The following SLC22A8 variants were observed in gnomAD, a reference collection of about 807,000 sequenced individuals.
SLC22A8 encodes the protein solute carrier family 22 member 8, also known as organic anion transporter 3.
A neutral mutation model predicts 48.4 loss-of-function variants in SLC22A8; 40 were observed. That is an observed-to-expected ratio of 0.83 (90% CI 0.64 to 1.08). SLC22A8 has a LOEUF of 1.08. SLC22A8 is among the 50% of genes least tolerant of loss of function. The probability of loss-of-function intolerance (pLI) is 0.00; values close to 1 mark genes in which losing one functional copy is unlikely to be tolerated. For synonymous variants in SLC22A8, 268 were observed against 286.3 expected, an observed-to-expected ratio of 0.94 and a Z score of 0.65; for missense variants, 606 against 699.0, an observed-to-expected ratio of 0.87 and a Z score of 1.50.
rs2086362844 is a variant in SLC22A8 at position 62,993,173 on chromosome 11, A to G, written c.*64T>C. 20 of 1,304,474 alleles carry G rather than the reference A, an allele frequency of 1.5e-5. No homozygotes were observed. The highest frequency in any genetic ancestry group is 2.0e-5 in the Non-Finnish European group (19 of 927,092). The allele number at this position is 1,304,474 out of a possible 1,614,324, so 80.8% of individuals were successfully genotyped here. A position where few individuals can be genotyped will look rare whatever the true frequency, so the allele number is the denominator to read the frequency against. On this transcript the variant is annotated 3_prime_UTR_variant, in exon 11 of 11. Transcript: ENST00000336232. ...GGATGGACCTATATGGGGCCTCCCT[A>G]TACTCCTAAGGTGCCTGGCTAGGAT...
chr11:62,995,695 G>A lies in SLC22A8; in HGVS notation c.1001+9C>T, dbSNP rs2086408150. The A allele has an allele frequency of 1.9e-6, 3 of 1,603,976 alleles. No individual in the cohort carries two copies. The highest frequency in any genetic ancestry group is 2.6e-6 in the Non-Finnish European group (3 of 1,170,774). On this transcript the variant is annotated intron_variant, in intron 7 of 10. Transcript: ENST00000336232. ...CTTGGCAGGGTGTGGGCAGGGAGAG[G>A]GGGGTTACCAGGCCAGGGAAAGACA...
Position 62,995,923 on chromosome 11 carries a change from A to T in SLC22A8, c.886-104T>A, listed in dbSNP as rs538533611. 93 of 1,551,872 alleles carry T rather than the reference A, an allele frequency of 6.0e-5. No individual in the cohort carries two copies. In the South Asian group the frequency reaches 8.5e-4, roughly 14 times the overall value. ...TGCCTCTAGAGGAGCTCAGGGAATC[A>T]GATGTGGTATAGGCTGTGAGCCAGG... On this transcript the variant is annotated intron_variant, in intron 6 of 10. Transcript: ENST00000336232.
rs887658982 is a variant in SLC22A8 at position 62,993,120 on chromosome 11, C to G, written c.*117G>C. 4 of 729,856 alleles carry G rather than the reference C, an allele frequency of 5.5e-6. No individual in the cohort carries two copies. In the Admixed American group the frequency reaches 1.1e-4, roughly 21 times the overall value. 45.2% of individuals were successfully genotyped at this position (729,856 alleles called of 1,614,324 possible). A position where few individuals can be genotyped will look rare whatever the true frequency, so the allele number is the denominator to read the frequency against. On this transcript the variant is annotated 3_prime_UTR_variant, in exon 11 of 11. Transcript: ENST00000336232. Reference sequence around the variant, plus strand: ...GTGGTGGTGATGGAGACACCTTCACCAAGCTCTCAGAAGGCTTCATCCTAG... The same window carrying G: ...GTGGTGGTGATGGAGACACCTTCACGAAGCTCTCAGAAGGCTTCATCCTAG...
chr11:62,999,843 C>G lies in SLC22A8; in HGVS notation c.438-1G>C. 6.5e-7 allele frequency: 1 copy of G among 1,528,996 alleles called. No individual in the cohort carries two copies. The highest frequency in any genetic ancestry group is 1.3e-5 in the South Asian group (1 of 78,996). The allele number at this position is 1,528,996 out of a possible 1,614,324, so 94.7% of individuals were successfully genotyped here. A position where few individuals can be genotyped will look rare whatever the true frequency, so the allele number is the denominator to read the frequency against. ...GGTCAGGATGGGCCTGCGGCCAAAC[C>G]TGTAGCTCGAAGGAGAGGAGGGGCC... On this transcript the variant is annotated splice_acceptor_variant, in intron 3 of 10. Transcript: ENST00000336232. LOFTEE classifies it high-confidence loss of function.
chr11:62,995,765 C>T lies in SLC22A8; in HGVS notation c.940G>A (p.Ala314Thr), dbSNP rs764818151. 3.4e-5 allele frequency: 55 copies of T among 1,613,958 alleles called. No homozygotes were observed. The highest frequency in any genetic ancestry group is 1.6e-4 in the East Asian group (7 of 44,888). ...EISLAKAKYT[A>T]SDLFRIPMLR... ...ATGGGTATCCGGAACAGGTCACTTG[C>T]GGTGTACTTGGCCTTGGCCAAGGAG... Residue 314 changes from alanine (A) to threonine (T), a missense_variant, in exon 7 of 11, where the codon GCA (alanine) becomes ACA (threonine). Coordinates refer to ENST00000336232, the MANE Select transcript of SLC22A8 (RefSeq NM_004254.4).
At chr11:63,010,003 T>C (rs2086599806) in intron 2 of SLC22A8, among the ~76,000 whole-genome samples, 1 of 152,176 alleles carries the variant, frequency 6.6e-6, no homozygotes, top group Non-Finnish European at 1.5e-5. Context: ...GCTCCCCTTT[T>C]TACCAGGGGA....
chr11:63,009,417 C>T (rs1391071458), intron 2 of SLC22A8, among the ~76,000 whole-genome samples: 1 of 152,074 alleles, frequency 6.6e-6, no homozygotes, highest in East Asian at 1.9e-4. Flanking sequence ...GGAGACAAGG[C>T]AGGGAGGCTC....
chr11:62,999,825 A>C lies in SLC22A8; in HGVS notation c.455T>G (p.Ile152Ser). Residue 152 changes from isoleucine (I) to serine (S), a missense_variant, in exon 4 of 11, where the codon ATC becomes AGC. Coordinates refer to ENST00000336232, the MANE Select transcript of SLC22A8 (RefSeq NM_004254.4). ...DLSDRFGRRPILTCSYLLLAA... is the reference protein window; with the variant it reads ...DLSDRFGRRPSLTCSYLLLAA... ...CAGCAGCAGGTAGCTGCAGGTCAGG[A>C]TGGGCCTGCGGCCAAACCTGTAGCT... 1 of 1,579,322 alleles carries C rather than the reference A, an allele frequency of 6.3e-7. No homozygotes were observed.
At chr11:63,010,220 C>T (rs778025895) in intron 2 of SLC22A8, among the ~76,000 whole-genome samples, 2 of 152,074 alleles carry the variant, frequency 1.3e-5, no homozygotes. Context: ...ATGAGGAATC[C>T]GAGACTTCTA....
In SLC22A8 at chr11:63,000,770, G is replaced by T. The variant is rs11568479; in HGVS notation, c.387C>A (p.Phe129Leu). ...GCCCTCCAATCAGTATACCTGCCAT[G>T]AAGATAGACTGGGCCATCTCCTTCA... is the stretch of plus-strand genomic sequence containing the variant. ...NKLKEMAQSI[F>L]MAGILIGGLV... Residue 129 changes from phenylalanine (F) to leucine (L), a missense_variant, in exon 3 of 11, where the codon TTC (phenylalanine) becomes TTA (leucine). Phe to Leu is a conservative substitution (Grantham distance 22). Coordinates refer to ENST00000336232, the MANE Select transcript of SLC22A8 (RefSeq NM_004254.4). 1.9e-6 allele frequency: 3 copies of T among 1,613,968 alleles called. No individual in the cohort carries two copies. The Admixed American group carries it at 5.0e-5, about 27-fold the overall frequency.
intron 6 of SLC22A8, 86 bp downstream of exon 6, chr11:62,995,943 G>A: frequency 6.3e-7 from 1 of 1,589,194 alleles, no homozygotes; most frequent in South Asian, 1.1e-5. Flanking sequence ...TAGGCTGTGA[G>A]CCAGGGGAAC....
At chr11:62,999,379 C>T in intron 4 of SLC22A8, 3 of 490,744 alleles carry the variant, frequency 6.1e-6, no homozygotes, top group Non-Finnish European at 1.1e-5. Flanking sequence ...AGTGACTTTC[C>T]TTGTTCTGCC....
rs1186012350 is a variant in SLC22A8, at chr11:63,000,763, C to T, written c.394G>A (p.Gly132Ser). 4 of 1,614,002 alleles carry T rather than the reference C, an allele frequency of 2.5e-6. No individual in the cohort carries two copies. Among genetic ancestry groups the T allele is most frequent in the African/African-American group, 2.7e-5 (2 of 74,930 alleles). The change falls in exon 3 of 11, where the codon GGT becomes AGT. Residue 132 changes from glycine (G) to serine (S), a missense_variant. By Grantham distance (56) the Gly-to-Ser change is moderately conservative. Transcript: ENST00000336232. ...AGCACGAGCCCTCCAATCAGTATAC[C>T]TGCCATGAAGATAGACTGGGCCATC... is the stretch of plus-strand genomic sequence containing the variant. The part of the protein sequence containing the change: ...KEMAQSIFMA[G>S]ILIGGLVLGD...
At chr11:63,004,145 C>T (rs1304452209) in intron 2 of SLC22A8, among the ~76,000 whole-genome samples, 2 of 152,188 alleles carry the variant, frequency 1.3e-5, no homozygotes, top group Non-Finnish European at 2.9e-5. Context: ...CCATCTGAGA[C>T]CAGATCTGCT....
At chr11:63,001,177 C>A (rs1322532126) in intron 2 of SLC22A8, among the ~76,000 whole-genome samples, 1 of 152,158 alleles carries the variant, frequency 6.6e-6, no homozygotes, top group Admixed American at 6.5e-5. Context: ...CCTCTGCGTA[C>A]CCCCTTGACC....
chr11:63,014,237 G>T (rs1335978681), intron 2 of SLC22A8, among the ~76,000 whole-genome samples: 1 of 152,176 alleles, frequency 6.6e-6, no homozygotes, highest in African/African-American at 2.4e-5. Context: ...ACCCACCCCA[G>T]AGGTCGGTCA....
intron 1 of SLC22A8, 46 bp from the exon 2 acceptor site, chr11:63,015,029 A>T: frequency 3.0e-6 from 4 of 1,342,160 alleles, no homozygotes; most frequent in Non-Finnish European, 4.1e-6. Flanking sequence ...TGTGCCTGGT[A>T]GTGCGTGGGT....
chr11:62,994,802 G>A, intron 7 of SLC22A8, 46 bp from the exon 8 acceptor site: 1 of 1,459,640 alleles, frequency 6.9e-7, no homozygotes, highest in Non-Finnish European at 9.6e-7. Flanking sequence ...CCAGGCAGAG[G>A]CCACTCCCCA....
Position 63,014,941 on chromosome 11 carries a change from G to A in SLC22A8, c.18C>T (p.Ile6=), listed in dbSNP as rs2086658364. 6.4e-7 allele frequency: 1 copy of A among 1,553,304 alleles called. No homozygotes were observed. Among genetic ancestry groups the A allele is most frequent in the East Asian group, 2.3e-5 (1 of 44,166 alleles). MTFSE[I]LDRVGSMGHF... is the part of the protein sequence containing the mutation. ...GGCCCATGCTTCCCACACGGTCCAGGATCTCCGAGAAGGTCATGGCACTGG... is the reference window on the plus strand; with the variant it reads ...GGCCCATGCTTCCCACACGGTCCAGAATCTCCGAGAAGGTCATGGCACTGG... Residue 6 remains isoleucine, a synonymous_variant, in exon 2 of 11, where the codon ATC becomes ATT. Transcript: ENST00000336232.
Sources: gnomAD v4.1 joint callset for allele counts (sites outside exome capture counted in the v4.1 genomes callset) on GRCh38, gnomAD v4.1.1 for gene constraint, MANE v1.5 for transcripts, NCBI Gene and HGNC (gene_info 2026-07-23, HGNC 2026-07-21) for gene names.